ANKRD36: variants seen among roughly 807,000 people sequenced by gnomAD.
ANKRD36 encodes the protein ankyrin repeat domain-containing protein 36A.
Under a neutral mutation model 278.1 loss-of-function variants are expected in ANKRD36, and 179 were observed. The ratio of observed to expected loss-of-function variants is 0.64; its 90% CI spans 0.57 to 0.73. The LOEUF is 0.73. Ranked by LOEUF, ANKRD36 falls within the 30% of genes least tolerant of loss-of-function variation. The probability of loss-of-function intolerance (pLI) is 0.00; values close to 1 mark genes in which losing one functional copy is unlikely to be tolerated. For synonymous variants in ANKRD36, 320 were observed against 641.1 expected (o/e 0.50, Z 7.57); for missense variants, 1,159 against 1,956.7 (o/e 0.59, Z 7.69).
At chr2:97,194,809 T>A (rs1345328140) in intron 39 of ANKRD36, 36 bp from the exon 40 acceptor site, 1 of 1,602,664 alleles carries the variant, frequency 6.2e-7, no homozygotes, top group Non-Finnish European at 8.5e-7. Flanking sequence ...CTATGAAACA[T>A]ACCTTATTTA....
At chr2:97,220,789 T>TTTTTTATTTTTTTTTTTTTA (rs2067376044) in intron 66 of ANKRD36, among the ~76,000 whole-genome samples, 1 of 127,156 alleles carries the variant, frequency 7.9e-6, no homozygotes, top group Non-Finnish European at 1.6e-5. Context: ...TTTTTTTTTT[T>TTTTTTATTTTTTTTTTTTTA]ATTATACTCT....
Position 97,158,494 on chromosome 2 carries a change from T to C in ANKRD36, c.1322-94T>C. ...TGCCTGCATTGGCCCCCCAAACTGC[T>C]GGGATTAAAGCTGTGAGCCCCCACA... On this transcript the variant is annotated intron_variant, in intron 16 of 75. Transcript: ENST00000420699. 4 of 1,371,118 alleles carry C rather than the reference T, an allele frequency of 2.9e-6. 1 individual carries two copies. The South Asian group carries it at 5.3e-5, about 18-fold the overall frequency. The allele number at this position is 1,371,118 out of a possible 1,614,324, so 84.9% of individuals were successfully genotyped here. A position where few individuals can be genotyped will look rare whatever the true frequency, so the allele number is the denominator to read the frequency against.
intron 26 of ANKRD36, among the ~76,000 whole-genome samples, chr2:97,183,081 T>C (rs1019830364): frequency 2.0e-5 from 3 of 151,764 alleles, no homozygotes; most frequent in East Asian, 3.9e-4. Flanking sequence ...ATGTCTTGCA[T>C]GAAAAACATG....
In ANKRD36 at chr2:97,191,013, A is replaced by G. The variant is rs2058401848; in HGVS notation, c.2274+7A>G. The G allele has an allele frequency of 6.2e-7, 1 of 1,605,240 alleles. No homozygotes were observed. Among genetic ancestry groups the G allele is most frequent in the African/African-American group, 1.3e-5 (1 of 74,656 alleles). ...GAAACAACCAGCCTTGAAGGTAATT[A>G]AACTCTCATTTATATTGTGAACTAG... On this transcript the variant is annotated splice_region_variant and intron_variant, in intron 35 of 75. Coordinates refer to ENST00000420699, the MANE Select transcript of ANKRD36 (RefSeq NM_001354587.1).
intron 58 of ANKRD36, chr2:97,212,942 C>T (rs1049126640): frequency 1.0e-5 from 3 of 301,148 alleles, no homozygotes; most frequent in African/African-American, 6.7e-5. Context: ...GTACGTTCAA[C>T]TGAAGTGTCA....
Position 97,156,083 on chromosome 2 carries a change from G to A in ANKRD36, c.1260+1342G>A, listed in dbSNP as rs1224548154. Among the ~76,000 whole-genome samples the A allele has an allele frequency of 2.0e-5, 3 of 146,586 alleles. 1 individual carries two copies. Among genetic ancestry groups the A allele is most frequent in the Non-Finnish European group, 3.1e-5 (2 of 64,932 alleles). On this transcript the variant is annotated intron_variant, in intron 15 of 75. Coordinates refer to ENST00000420699, the MANE Select transcript of ANKRD36 (RefSeq NM_001354587.1). ...AATTGGAAAAGATGGAAAGGAAATA[G>A]GAAAGGCGGATACAGCGTGTTTTCT... is the stretch of plus-strand genomic sequence containing the variant.
Position 97,243,864 on chromosome 2 carries a change from A to T in ANKRD36, c.4326A>T (p.Glu1442Asp), listed in dbSNP as rs770964203. ...TTTACAGATTTGCCATACAGCAAGAAAAAAAGAAAAGAAGAAATGTTGAAG... is the reference window on the plus strand; with the variant it reads ...TTTACAGATTTGCCATACAGCAAGATAAAAAGAAAAGAAGAAATGTTGAAG... ...LCSLRFAIQQ[E>D]KKKRRNVEEV... Residue 1442 changes from glutamate to aspartate, a missense_variant, in exon 70 of 76, where the codon GAA (glutamate) becomes GAT (aspartate). Coordinates refer to ENST00000420699, the MANE Select transcript of ANKRD36 (RefSeq NM_001354587.1). 1.1e-5 allele frequency: 18 copies of T among 1,603,610 alleles called. 1 individual carries two copies. The highest frequency in any genetic ancestry group is 1.5e-5 in the Non-Finnish European group (18 of 1,177,456).
intron 67 of ANKRD36, among the ~76,000 whole-genome samples, chr2:97,231,557 A>G (rs745360369): frequency 6.6e-6 from 1 of 152,118 alleles, no homozygotes; most frequent in African/African-American, 2.4e-5. Context: ...TTTGACTAGG[A>G]AAGGGAACTC....
At chr2:97,198,717 C>T in intron 44 of ANKRD36, 59 bp downstream of exon 44, 2 of 1,467,898 alleles carry the variant, frequency 1.4e-6, no homozygotes, top group South Asian at 2.6e-5. Context: ...AAGTTCTCTT[C>T]CCTGAATAAA....
At chr2:97,121,093 T>C (rs2036674368) in intron 3 of ANKRD36, among the ~76,000 whole-genome samples, 1 of 152,106 alleles carries the variant, frequency 6.6e-6, no homozygotes, top group Non-Finnish European at 1.5e-5. Flanking sequence ...AGTAAATATT[T>C]CAAGGTTTTT....
At chr2:97,166,159 T>G (rs1312207343) in intron 20 of ANKRD36, among the ~76,000 whole-genome samples, 1 of 152,098 alleles carries the variant, frequency 6.6e-6, no homozygotes, top group Non-Finnish European at 1.5e-5. Flanking sequence ...AAAGAAATTC[T>G]TATTTACTGC....
chr2:97,168,372 A>C (rs1034757593), intron 22 of ANKRD36, among the ~76,000 whole-genome samples: 6 of 152,354 alleles, frequency 3.9e-5, no homozygotes, highest in Non-Finnish European at 8.8e-5. Flanking sequence ...TAAAGCAATG[A>C]CTCTGAGCTG....
At position 97,192,890 on chromosome 2, in the gene ANKRD36, A is replaced by T. The variant is rs542245473; in HGVS notation, c.2376+4A>T. ...TCAGAAACCACCAGCCTTGACGGTA[A>T]TGAAACACTCATTTATATTGTGAAT... On this transcript the variant is annotated splice_donor_region_variant and intron_variant, in intron 37 of 75. Transcript: ENST00000420699. The T allele has an allele frequency of 1.2e-6, 2 of 1,604,040 alleles. No individual in the cohort carries two copies. Among genetic ancestry groups the T allele is most frequent in the Non-Finnish European group, 1.7e-6 (2 of 1,177,486 alleles).
At chr2:97,131,908 A>G (rs1029592412) in intron 6 of ANKRD36, among the ~76,000 whole-genome samples, 2 of 150,168 alleles carry the variant, frequency 1.3e-5, no homozygotes, top group Admixed American at 1.3e-4. Context: ...GGCTCACTGC[A>G]AACTCTGCCT....
intron 8 of ANKRD36, among the ~76,000 whole-genome samples, chr2:97,143,070 A>C (rs2043326808): frequency 6.6e-6 from 1 of 151,944 alleles, no homozygotes. Context: ...ATTGGAGAGC[A>C]GTGCAAGATA....
intron 17 of ANKRD36, among the ~76,000 whole-genome samples, chr2:97,159,467 T>C (rs1358292757): frequency 4.6e-5 from 7 of 151,954 alleles, no homozygotes; most frequent in Non-Finnish European, 8.8e-5. Context: ...AATTTCATCC[T>C]CACTTTTTTA....
At chr2:97,131,543 C>T (rs2040156315) in intron 6 of ANKRD36, among the ~76,000 whole-genome samples, 1 of 151,844 alleles carries the variant, frequency 6.6e-6, no homozygotes, top group African/African-American at 2.4e-5. Flanking sequence ...TCCTATTGGC[C>T]CTTAATAAGA....
At chr2:97,132,098 A>C (rs568782060) in intron 6 of ANKRD36, among the ~76,000 whole-genome samples, 1 of 151,592 alleles carries the variant, frequency 6.6e-6, no homozygotes, top group South Asian at 2.1e-4. Flanking sequence ...AAGTGTTTGG[A>C]TTACAGGTGT....
intron 22 of ANKRD36, among the ~76,000 whole-genome samples, chr2:97,170,846 A>C (rs1342754238): frequency 6.6e-6 from 1 of 150,740 alleles, no homozygotes; most frequent in Admixed American, 6.6e-5. Context: ...ACTCAAACAA[A>C]TTTACAAGAA....
Sources: gnomAD v4.1 joint callset for allele counts (sites outside exome capture counted in the v4.1 genomes callset) on GRCh38, gnomAD v4.1.1 for gene constraint, MANE v1.5 for transcripts, NCBI Gene and HGNC (gene_info 2026-07-23, HGNC 2026-07-21) for gene names.